Variants in NRXN1 observed in about 807,000 individuals in gnomAD.
NRXN1 encodes neurexin 1, also known as neurexin-1.
Under a neutral mutation model 150.9 loss-of-function variants are expected in NRXN1, and 39 were observed. That is an observed-to-expected ratio of 0.26 (90% CI 0.20 to 0.34). The LOEUF (loss-of-function observed/expected upper bound fraction) is 0.34. Among genes scored for constraint, NRXN1 ranks in the 10% least tolerant of loss-of-function variants. The pLI is 1.00. For missense variants in NRXN1, 1,815 were observed against 1,949.9 expected (o/e 0.93, Z 1.30); for synonymous variants, 924 against 757.0 (o/e 1.22, Z -3.62).
chr2:50,709,485 G>A (rs937629661), intron 5 of NRXN1, among the ~76,000 whole-genome samples: 1 of 152,062 alleles, frequency 6.6e-6, no homozygotes, highest in Non-Finnish European at 1.5e-5. Flanking sequence ...GTTTGACAAG[G>A]GTGGCCATAT....
intron 2 of NRXN1, among the ~76,000 whole-genome samples, chr2:50,939,680 TA>T (rs1689110373): frequency 6.6e-6 from 1 of 152,266 alleles, no homozygotes; most frequent in East Asian, 1.9e-4. Flanking sequence ...GTCACCATGG[TA>T]CCTAACACGT....
chr2:50,202,761 A>G (rs889478490), intron 18 of NRXN1, among the ~76,000 whole-genome samples: 1 of 152,182 alleles, frequency 6.6e-6, no homozygotes, highest in African/African-American at 2.4e-5. Flanking sequence ...CATTTATAGT[A>G]AAACAAAATA....
chr2:50,799,104 C>T (rs559901415), intron 5 of NRXN1, among the ~76,000 whole-genome samples: 1 of 152,116 alleles, frequency 6.6e-6, no homozygotes. Flanking sequence ...TCTCAGTATC[C>T]TCTTTCTTGT....
intron 5 of NRXN1, among the ~76,000 whole-genome samples, chr2:50,657,080 T>C (rs1686591596): frequency 6.6e-6 from 1 of 152,160 alleles, no homozygotes; most frequent in Middle Eastern, 3.4e-3. Flanking sequence ...TTCTCGTCTC[T>C]CTCAGAGTAA....
At chr2:49,958,824 T>C (rs141211099) in intron 21 of NRXN1, among the ~76,000 whole-genome samples, 41 of 152,326 alleles carry the variant, frequency 2.7e-4, no homozygotes, top group African/African-American at 8.9e-4. Context: ...TGTCAGCCTT[T>C]ATAGACCTCT....
intron 21 of NRXN1, among the ~76,000 whole-genome samples, chr2:50,016,154 T>G (rs1686551035): frequency 1.3e-5 from 2 of 152,172 alleles, no homozygotes; most frequent in East Asian, 3.9e-4. Context: ...AAAGGACCAA[T>G]GCAACTAGGT....
intron 18 of NRXN1, among the ~76,000 whole-genome samples, chr2:50,195,755 T>G (rs1257286257): frequency 6.6e-6 from 1 of 152,104 alleles, no homozygotes; most frequent in African/African-American, 2.4e-5. Flanking sequence ...AAATACTACC[T>G]GATAATGTGA....
intron 18 of NRXN1, among the ~76,000 whole-genome samples, chr2:50,218,330 G>A (rs928156040): frequency 4.6e-5 from 7 of 150,610 alleles, no homozygotes; most frequent in Non-Finnish European, 8.9e-5. Context: ...AGTGGGAATT[G>A]GGTGACAGTT....
At chr2:50,719,600 G>A (rs958143157) in intron 5 of NRXN1, among the ~76,000 whole-genome samples, 5 of 151,768 alleles carry the variant, frequency 3.3e-5, no homozygotes, top group South Asian at 2.1e-4. Context: ...CGCTTGAACC[G>A]GGGAGGCGGA....
chr2:50,347,305 G>A lies in NRXN1; in HGVS notation c.3365-110335C>T. ...AGAGTTTCGGGCGAGAGTGCGTGCCGGCGGGTGGGGGGCCGAGAAATTGTT... is the reference window on the plus strand; with the variant it reads ...AGAGTTTCGGGCGAGAGTGCGTGCCAGCGGGTGGGGGGCCGAGAAATTGTT... On this transcript the variant is annotated intron_variant, in intron 17 of 22. Transcript: ENST00000401669. This position sits in a 1 kb window ranked among gnomAD's most constrained non-coding sequence, Gnocchi z 4.9. The A allele has an allele frequency of 7.9e-7, 1 of 1,268,490 alleles. No homozygotes were observed. Among genetic ancestry groups the A allele is most frequent in the South Asian group, 1.3e-5 (1 of 76,424 alleles). 78.6% of individuals were successfully genotyped at this position (1,268,490 alleles called of 1,614,324 possible). A position where few individuals can be genotyped will look rare whatever the true frequency, so the allele number is the denominator to read the frequency against.
intron 21 of NRXN1, among the ~76,000 whole-genome samples, chr2:50,024,624 T>A (rs920248786): frequency 6.6e-6 from 1 of 152,110 alleles, no homozygotes. Flanking sequence ...GTAATTCTTT[T>A]TTTTTTTGGA....
chr2:50,173,863 C>T (rs1157962828), intron 18 of NRXN1, among the ~76,000 whole-genome samples: 1 of 152,100 alleles, frequency 6.6e-6, no homozygotes, highest in Admixed American at 6.6e-5. Context: ...TCCCTCTGTA[C>T]ATTCAAACCT....
chr2:50,325,624 C>T (rs1187670072), intron 17 of NRXN1, among the ~76,000 whole-genome samples: 1 of 152,142 alleles, frequency 6.6e-6, no homozygotes, highest in Admixed American at 6.6e-5. Flanking sequence ...ATTCTCATGG[C>T]CAATTTTAAT....
intron 19 of NRXN1, among the ~76,000 whole-genome samples, chr2:50,077,917 A>T (rs962332): frequency 0.34 from 51,698 of 151,606 alleles, 9,993 homozygotes; most frequent in African/African-American, 0.51. Context: ...AGGGGTAAAC[A>T]CAGCTGCTTT....
At chr2:50,095,071 T>C (rs1282158183) in intron 18 of NRXN1, among the ~76,000 whole-genome samples, 1 of 152,170 alleles carries the variant, frequency 6.6e-6, no homozygotes, top group East Asian at 1.9e-4. Flanking sequence ...AGAGGAATAG[T>C]GAAAGCCATG....
At chr2:50,744,596 C>T (rs905128763) in intron 5 of NRXN1, among the ~76,000 whole-genome samples, 8 of 152,010 alleles carry the variant, frequency 5.3e-5, no homozygotes, top group Non-Finnish European at 1.0e-4. Context: ...TATTGACCTT[C>T]GGAAACTTGT....
At chr2:50,631,680 T>C (rs1192767124) in intron 5 of NRXN1, among the ~76,000 whole-genome samples, 4 of 151,988 alleles carry the variant, frequency 2.6e-5, no homozygotes, top group Non-Finnish European at 5.9e-5. Context: ...ATTGTGCAAT[T>C]GATTTGCATT....
intron 5 of NRXN1, among the ~76,000 whole-genome samples, chr2:50,718,317 A>T (rs1256105276): frequency 6.6e-6 from 1 of 152,166 alleles, no homozygotes; most frequent in African/African-American, 2.4e-5. Flanking sequence ...GCTTAGCCAC[A>T]TTACCGTTAA....
chr2:50,465,616 T>G (rs1340631651), intron 16 of NRXN1, 55 bp from the exon 17 acceptor site: 80 of 1,536,388 alleles, frequency 5.2e-5, no homozygotes, highest in Non-Finnish European at 6.7e-5. Flanking sequence ...AAAAGCATTT[T>G]ATACATGAGC....
Sources: gnomAD v4.1 joint callset for allele counts (sites outside exome capture counted in the v4.1 genomes callset) on GRCh38, gnomAD v4.1.1 for gene constraint, Gnocchi (gnomAD v3.1) non-coding constraint, MANE v1.5 for transcripts, NCBI Gene and HGNC (gene_info 2026-07-23, HGNC 2026-07-21) for gene names.